The following AURKA variants were observed in gnomAD, a reference collection of about 807,000 sequenced individuals.
AURKA encodes the protein aurora 2.
A neutral mutation model predicts 40.9 loss-of-function variants in AURKA; 12 were observed. The observed-to-expected ratio is 0.29, with a 90% confidence interval of 0.19 to 0.48. The LOEUF is 0.48. Among genes scored for constraint, AURKA ranks in the 20% least tolerant of loss-of-function variants. AURKA has a pLI of 0.99. For synonymous variants in AURKA, 170 were observed against 164.3 expected (o/e 1.03, Z -0.26); for missense variants, 322 against 462.1 (o/e 0.70, Z 2.78).
At chr20:56,381,328 C>T in intron 6 of AURKA, 105 bp downstream of exon 6, 5 of 1,386,222 alleles carry the variant, frequency 3.6e-6, no homozygotes, top group South Asian at 3.5e-5. Context: ...ATTAAGCTAT[C>T]CTTACGTCAA....
chr20:56,370,430 CTGA>C, intron 8 of AURKA, 52 bp downstream of exon 8: 1 of 1,613,990 alleles, frequency 6.2e-7, no homozygotes, highest in Non-Finnish European at 8.5e-7. Context: ...GCAGTTCAGG[CTGA>C]TAAGGAAAGA....
intron 4 of AURKA, among the ~76,000 whole-genome samples, chr20:56,383,812 T>C (rs1458542413): frequency 1.3e-5 from 2 of 152,228 alleles, no homozygotes; most frequent in South Asian, 4.1e-4. Flanking sequence ...AGGAGGCTTT[T>C]AGAAAAGCCC....
At chr20:56,378,983 G>C (rs535909026) in intron 6 of AURKA, among the ~76,000 whole-genome samples, 1 of 151,968 alleles carries the variant, frequency 6.6e-6, no homozygotes, top group African/African-American at 2.4e-5. Flanking sequence ...TGTATTTGTC[G>C]AAATTCATAG....
chr20:56,369,953 C>T lies in AURKA; in HGVS notation c.*205G>A. On this transcript the variant is annotated 3_prime_UTR_variant, in exon 9 of 9. Coordinates refer to ENST00000395915, the MANE Select transcript of AURKA (RefSeq NM_198437.3). The stretch of plus-strand genomic sequence containing the variant: ...AGTATAAGTAGCACAATTCTCGTGG[C>T]TACTTTCACTTCAGAGTGTCATGTT... The T allele has an allele frequency of 1.5e-6, 1 of 682,110 alleles. No individual in the cohort carries two copies. Among genetic ancestry groups the T allele is most frequent in the East Asian group, 2.7e-5 (1 of 36,622 alleles). The allele number at this position is 682,110 out of a possible 1,614,324, so 42.3% of individuals were successfully genotyped here.
Position 56,369,788 on chromosome 20 carries a change from G to A in AURKA, c.*370C>T, listed in dbSNP as rs147562941. ...CAGGTACTAGGAAGGTTATTGCACA[G>A]CTCCTTAACTGATCGGGGTCAGGGC... On this transcript the variant is annotated 3_prime_UTR_variant, in exon 9 of 9. Coordinates refer to ENST00000395915, the MANE Select transcript of AURKA (RefSeq NM_198437.3). 3.7e-3 allele frequency: 1,666 copies of A among 456,134 alleles called. 2 individuals carry two copies. The highest frequency in any genetic ancestry group is 5.4e-3 in the Non-Finnish European group (1,338 of 245,652). 28.3% of individuals were successfully genotyped at this position (456,134 alleles called of 1,614,324 possible).
chr20:56,370,186 T>G lies in AURKA; in HGVS notation c.1184A>C (p.Asn395Thr), dbSNP rs113451501. The G allele has an allele frequency of 6.2e-7, 1 of 1,613,004 alleles. No homozygotes were observed. Among genetic ancestry groups the G allele is most frequent in the African/African-American group, 1.3e-5 (1 of 74,880 alleles). The change falls in exon 9 of 9, where the codon AAC becomes ACC. Residue 395 changes from asparagine to threonine, a missense_variant. Coordinates refer to ENST00000395915, the MANE Select transcript of AURKA (RefSeq NM_198437.3). ...AGACTGTTTGCTAGCTGATTCTTTG[T>G]TTTGGCAATTTGATGGTTTTGATGA... ...ANSSKPSNCQ[N>T]KESASKQS
intron 7 of AURKA, among the ~76,000 whole-genome samples, chr20:56,372,622 T>C (rs1984413204): frequency 2.0e-5 from 3 of 152,130 alleles, no homozygotes; most frequent in Admixed American, 2.0e-4. Context: ...AGCAAAGGTT[T>C]TCTCCCTCAT....
At chr20:56,372,300 C>T (rs1264548909) in intron 7 of AURKA, among the ~76,000 whole-genome samples, 2 of 152,148 alleles carry the variant, frequency 1.3e-5, no homozygotes, top group Non-Finnish European at 2.9e-5. Flanking sequence ...CGGACTGAAT[C>T]GGGGGTTCTC....
At position 56,386,174 on chromosome 20, in the gene AURKA, C is replaced by A. The variant is rs945781658; in HGVS notation, c.319+83G>T. The A allele has an allele frequency of 3.2e-6, 5 of 1,562,510 alleles. No individual in the cohort carries two copies. The East Asian group carries it at 9.0e-5, about 28-fold the overall frequency. On this transcript the variant is annotated intron_variant, in intron 3 of 8. Transcript: ENST00000395915. ...CAGATATAAAAGCTAAGGCTCCAAA[C>A]AATAAGTGCAAGTATATACACTGGC...
chr20:56,389,624 C>CTA (rs1407288288), intron 1 of AURKA, among the ~76,000 whole-genome samples: 1 of 152,148 alleles, frequency 6.6e-6, no homozygotes, highest in African/African-American at 2.4e-5. Flanking sequence ...TTTCTACTTT[C>CTA]TATGCAACAT....
At position 56,377,026 on chromosome 20, in the gene AURKA, G is replaced by C. The variant is rs535871063; in HGVS notation, c.706-3470C>G. Reference sequence around the variant, plus strand: ...ACACAGGAGGTAGAAGTTGCAGTGAGCTGAGAACCAAGATCACGTCACTGC... The same window carrying C: ...ACACAGGAGGTAGAAGTTGCAGTGACCTGAGAACCAAGATCACGTCACTGC... On this transcript the variant is annotated intron_variant, in intron 6 of 8. Coordinates refer to ENST00000395915, the MANE Select transcript of AURKA (RefSeq NM_198437.3). Among the ~76,000 whole-genome samples the C allele has an allele frequency of 8.4e-4, 128 of 152,210 alleles. 1 individual carries two copies. The highest frequency in any genetic ancestry group is 3.0e-3 in the African/African-American group (125 of 41,524).
At chr20:56,385,183 A>G (rs1214460510) in intron 3 of AURKA, among the ~76,000 whole-genome samples, 1 of 152,224 alleles carries the variant, frequency 6.6e-6, no homozygotes, top group Non-Finnish European at 1.5e-5. Flanking sequence ...TCTTTGGATA[A>G]GTTAACTGCT....
chr20:56,386,407 T>C lies in AURKA; in HGVS notation c.169A>G (p.Ile57Val), dbSNP rs1047972. 1,362,013 of 1,613,986 alleles carry C rather than the reference T, an allele frequency of 0.84. 575,145 individuals are homozygous for C. Among genetic ancestry groups the C allele is most frequent in the Admixed American group, 0.91 (54,336 of 60,014 alleles). The part of the protein sequence containing the change: ...VLCPSNSSQR[I>V]PLQAQKLVSS... ...ACAAGCTTTTGTGCTTGCAAAGGAA[T>C]GCGCTGGGAAGAATTTGAAGGACAC... The change falls in exon 3 of 9, where the codon ATT (isoleucine) becomes GTT (valine). Residue 57 changes from isoleucine to valine, a missense_variant. By Grantham distance (29) the Ile-to-Val change is conservative (BLOSUM62 3). Transcript: ENST00000395915.
chr20:56,376,445 A>G lies in AURKA; in HGVS notation c.706-2889T>C, dbSNP rs377283796. Among the ~76,000 whole-genome samples the G allele has an allele frequency of 3.1e-4, 47 of 152,350 alleles. 1 individual carries two copies. The South Asian group carries it at 3.3e-3, about 11-fold the overall frequency. On this transcript the variant is annotated intron_variant, in intron 6 of 8. Coordinates refer to ENST00000395915, the MANE Select transcript of AURKA (RefSeq NM_198437.3). ...TTTAAGATTAAGTCTTTAAAACAGC[A>G]TGTCATTGTTGCAGAGACAAGACCA...
At chr20:56,377,793 A>G (rs567696263) in intron 6 of AURKA, among the ~76,000 whole-genome samples, 1 of 152,358 alleles carries the variant, frequency 6.6e-6, no homozygotes, top group South Asian at 2.1e-4. Flanking sequence ...CTCAAAAAAA[A>G]AAAGAGACGT....
intron 4 of AURKA, 45 bp downstream of exon 4, chr20:56,384,225 T>C (rs1392785914): frequency 2.0e-6 from 3 of 1,499,004 alleles, no homozygotes; most frequent in East Asian, 2.3e-5. Context: ...CGAAATAATA[T>C]ATTCTAGTAG....
chr20:56,378,425 T>G (rs1361794725), intron 6 of AURKA, among the ~76,000 whole-genome samples: 2 of 152,196 alleles, frequency 1.3e-5, no homozygotes, highest in African/African-American at 4.8e-5. Context: ...ATTTCCTACA[T>G]TTGTAATGCA....
chr20:56,372,042 AG>A (rs1984308274), intron 7 of AURKA, among the ~76,000 whole-genome samples: 2 of 152,228 alleles, frequency 1.3e-5, no homozygotes, highest in Non-Finnish European at 2.9e-5. Context: ...TTATCGGTTT[AG>A]GTTTTTTTAA....
In AURKA at chr20:56,373,396, A is replaced by G. The variant is rs1434155059; in HGVS notation, c.854+12T>C. ...GGTAAACCAAACAACTTCCACCTCT[A>G]AAGTTACATACCTGGAAGATGGAGC... is the stretch of plus-strand genomic sequence containing the variant. On this transcript the variant is annotated intron_variant, in intron 7 of 8. Transcript: ENST00000395915. The surrounding 1 kb of genome is among the most constrained non-coding windows in gnomAD (Gnocchi z 5.0). 18 of 1,612,988 alleles carry G rather than the reference A, an allele frequency of 1.1e-5. No individual in the cohort carries two copies. The highest frequency in any genetic ancestry group is 1.2e-5 in the Non-Finnish European group (14 of 1,180,006).
Sources: allele counts gnomAD v4.1 joint callset (sites outside exome capture counted in the v4.1 genomes callset), GRCh38; gene constraint gnomAD v4.1.1; non-coding constraint Gnocchi (gnomAD v3.1); transcripts MANE v1.5; gene names NCBI Gene and HGNC (gene_info 2026-07-23, HGNC 2026-07-21).